Variants in SCTR observed in about 807,000 individuals in gnomAD.
The protein encoded by SCTR is secretin receptor, also known as pancreatic secretin receptor.
SCTR carries 56 observed loss-of-function variants against 60.8 expected under a neutral mutation model. The ratio of observed to expected loss-of-function variants is 0.92; its 90% CI spans 0.74 to 1.15. SCTR has a LOEUF of 1.15. Among genes scored for constraint, SCTR ranks in the 50% most tolerant of loss-of-function variants. SCTR has a pLI of 0.00. For missense variants in SCTR, 562 were observed against 550.4 expected (o/e 1.02, Z -0.21); for synonymous variants, 202 against 217.0 (o/e 0.93, Z 0.61).
chr2:119,500,838 A>G (rs1678520059), intron 1 of SCTR, among the ~76,000 whole-genome samples: 1 of 152,214 alleles, frequency 6.6e-6, no homozygotes, highest in Non-Finnish European at 1.5e-5. Flanking sequence ...ATAGTTTAAA[A>G]TAATCTGTTG....
At chr2:119,474,553 G>A (rs988407847) in intron 3 of SCTR, among the ~76,000 whole-genome samples, 4 of 152,190 alleles carry the variant, frequency 2.6e-5, no homozygotes, top group East Asian at 1.9e-4. Flanking sequence ...GCTGATGGCC[G>A]AGTCCTGTGG....
At chr2:119,463,599 C>T (rs1361384295) in intron 6 of SCTR, among the ~76,000 whole-genome samples, 1 of 152,088 alleles carries the variant, frequency 6.6e-6, no homozygotes, top group African/African-American at 2.4e-5. Flanking sequence ...TTCTGTTATT[C>T]GCAGCAAAAG....
At chr2:119,463,957 C>T (rs1245816608) in intron 6 of SCTR, among the ~76,000 whole-genome samples, 166 bp downstream of exon 6, 1 of 152,110 alleles carries the variant, frequency 6.6e-6, no homozygotes, top group Non-Finnish European at 1.5e-5. Context: ...GTGGAATCTC[C>T]CTGAACCTCC....
At chr2:119,503,622 G>A (rs1678632036) in intron 1 of SCTR, among the ~76,000 whole-genome samples, 1 of 152,100 alleles carries the variant, frequency 6.6e-6, no homozygotes, top group South Asian at 2.1e-4. Flanking sequence ...GGTTGCCAGG[G>A]GACAATAGGG....
intron 1 of SCTR, among the ~76,000 whole-genome samples, chr2:119,503,834 A>G (rs1304030919): frequency 6.6e-6 from 1 of 152,248 alleles, no homozygotes; most frequent in Non-Finnish European, 1.5e-5. Context: ...CAGCAATTGT[A>G]ATAAATAAAC....
chr2:119,510,455 T>C (rs1678896042), intron 1 of SCTR, among the ~76,000 whole-genome samples: 1 of 152,168 alleles, frequency 6.6e-6, no homozygotes, highest in Admixed American at 6.5e-5. Flanking sequence ...GAAGAGCATG[T>C]GGCTCCTTGG....
At chr2:119,468,618 T>C (rs1204383756) in intron 4 of SCTR, among the ~76,000 whole-genome samples, 2 of 152,224 alleles carry the variant, frequency 1.3e-5, no homozygotes, top group Non-Finnish European at 2.9e-5. Flanking sequence ...CCATCCTCCT[T>C]CAAAATGAGT....
intron 2 of SCTR, among the ~76,000 whole-genome samples, chr2:119,490,668 T>A (rs954445215): frequency 6.6e-6 from 1 of 152,226 alleles, no homozygotes; most frequent in Non-Finnish European, 1.5e-5. Flanking sequence ...CTCATCACCA[T>A]GTGTGGTCAG....
At chr2:119,474,744 G>A (rs1677194027) in intron 3 of SCTR, among the ~76,000 whole-genome samples, 1 of 152,184 alleles carries the variant, frequency 6.6e-6, no homozygotes, top group South Asian at 2.1e-4. Flanking sequence ...GAACACCAAG[G>A]CCCAGAATTG....
At chr2:119,506,698 A>G (rs1475480921) in intron 1 of SCTR, among the ~76,000 whole-genome samples, 1 of 151,324 alleles carries the variant, frequency 6.6e-6, no homozygotes, top group African/African-American at 2.4e-5. Flanking sequence ...CTGATCTTGA[A>G]CTCTTGGCCT....
chr2:119,468,930 G>A (rs1235084161), intron 4 of SCTR, among the ~76,000 whole-genome samples: 1 of 152,152 alleles, frequency 6.6e-6, no homozygotes, highest in Non-Finnish European at 1.5e-5. Context: ...TCATGTGTGA[G>A]CTCCAGTTGG....
chr2:119,465,776 AGT>A lies in SCTR; in HGVS notation c.503+11_503+12del. The A allele has an allele frequency of 6.3e-7, 1 of 1,574,900 alleles. No individual in the cohort carries two copies. The highest frequency in any genetic ancestry group is 8.7e-7 in the Non-Finnish European group (1 of 1,144,264). On this transcript the variant is annotated intron_variant, in intron 5 of 12. Coordinates refer to ENST00000019103, the MANE Select transcript of SCTR (RefSeq NM_002980.3). ...GAGGGCTGGGGTATGGAGAGCTGGCAGTGTGTTCTCACCGGAAAGCACAGAGG... is the reference window on the plus strand; with the variant it reads ...GAGGGCTGGGGTATGGAGAGCTGGCAGTGTTCTCACCGGAAAGCACAGAGG...
chr2:119,449,297 G>T (rs1033643472), intron 9 of SCTR, among the ~76,000 whole-genome samples: 4 of 152,318 alleles, frequency 2.6e-5, no homozygotes, highest in Admixed American at 2.6e-4. Context: ...GAAGCTGCTG[G>T]TGTGAGGACC....
chr2:119,448,647 G>C, intron 10 of SCTR, 42 bp downstream of exon 10: 2 of 1,104,472 alleles, frequency 1.8e-6, no homozygotes, highest in African/African-American at 1.5e-5. Context: ...CTCAGTAAAT[G>C]CTTGCTGACT....
intron 7 of SCTR, among the ~76,000 whole-genome samples, chr2:119,454,451 C>A (rs754742642): frequency 6.6e-6 from 1 of 152,014 alleles, no homozygotes; most frequent in Non-Finnish European, 1.5e-5. Flanking sequence ...ACAGTCTACA[C>A]CAGCGCTCAA....
chr2:119,486,862 G>A (rs1677889500), intron 2 of SCTR: 1 of 152,286 alleles, frequency 6.6e-6, no homozygotes, highest in Non-Finnish European at 1.5e-5. Context: ...GCAGAGGTGA[G>A]CTGTGGGCAG....
chr2:119,461,264 G>A (rs1488788143), intron 7 of SCTR, among the ~76,000 whole-genome samples: 4 of 152,190 alleles, frequency 2.6e-5, no homozygotes, highest in East Asian at 1.9e-4. Flanking sequence ...GGAATGCACC[G>A]TCTAAAGGCA....
chr2:119,455,123 G>A (rs977065059), intron 7 of SCTR, among the ~76,000 whole-genome samples: 1 of 152,110 alleles, frequency 6.6e-6, no homozygotes, highest in Non-Finnish European at 1.5e-5. Flanking sequence ...TGGTCCCCGG[G>A]CCGCTCAGTT....
intron 9 of SCTR, among the ~76,000 whole-genome samples, chr2:119,449,574 C>G (rs1458084275): frequency 6.6e-6 from 1 of 152,122 alleles, no homozygotes; most frequent in African/African-American, 2.4e-5. Context: ...GTCCCCTCCC[C>G]CAACCCCAGT....
Sources: allele counts gnomAD v4.1 joint callset (sites outside exome capture counted in the v4.1 genomes callset), GRCh38; gene constraint gnomAD v4.1.1; transcripts MANE v1.5; gene names NCBI Gene and HGNC (gene_info 2026-07-23, HGNC 2026-07-21).